The following TMED5 variants were observed in gnomAD, a reference collection of about 807,000 sequenced individuals.
The protein encoded by TMED5 is transmembrane p24 trafficking protein 5.
In TMED5, 27 loss-of-function variants were observed where a neutral mutation model predicts 23.0. The ratio of observed to expected loss-of-function variants is 1.17; its 90% CI spans 0.86 to 1.62. The LOEUF is 1.62. Among genes scored for constraint, TMED5 ranks in the 40% most tolerant of loss-of-function variants. The pLI is 0.00. For missense variants in TMED5, 248 were observed against 273.7 expected (o/e 0.91, Z 0.66); for synonymous variants, 97 against 100.8 (o/e 0.96, Z 0.23).
chr1:93,155,995 A>C, intron 3 of TMED5: 1 of 1,070,910 alleles, frequency 9.3e-7, no homozygotes, highest in Non-Finnish European at 1.3e-6. Flanking sequence ...ATCTATTTAT[A>C]ATTTAAAAAT....
chr1:93,158,575 T>C (rs1015941718), intron 2 of TMED5, among the ~76,000 whole-genome samples: 1 of 140,998 alleles, frequency 7.1e-6, no homozygotes, highest in Non-Finnish European at 1.5e-5. Context: ...ACTACATTTT[T>C]AGTTTTGTTT....
intron 1 of TMED5, among the ~76,000 whole-genome samples, chr1:93,172,342 A>T (rs1571282723): frequency 6.6e-6 from 1 of 152,228 alleles, no homozygotes; most frequent in South Asian, 2.1e-4. Context: ...GGAACTAATA[A>T]GTGATGATAG....
chr1:93,160,352 T>C (rs941569248), intron 1 of TMED5, 126 bp from the exon 2 acceptor site: 1 of 552,430 alleles, frequency 1.8e-6, no homozygotes, highest in South Asian at 3.0e-5. Flanking sequence ...CAGTGATGTC[T>C]GAGCTAGAAA....
At chr1:93,178,085 C>G (rs1648988826) in intron 1 of TMED5, among the ~76,000 whole-genome samples, 1 of 152,162 alleles carries the variant, frequency 6.6e-6, no homozygotes, top group African/African-American at 2.4e-5. Flanking sequence ...AATCCATTTT[C>G]CACACTGCAT....
At chr1:93,170,515 C>G (rs566728424) in intron 1 of TMED5, among the ~76,000 whole-genome samples, 5 of 152,218 alleles carry the variant, frequency 3.3e-5, no homozygotes, top group African/African-American at 4.8e-5. Context: ...CTCAGCCCCC[C>G]ACTGTGGGCT....
At position 93,160,159 on chromosome 1, in the gene TMED5, A is replaced by G; in HGVS notation, c.257T>C (p.Phe86Ser). ...AACTCCATCTGATTTTCTTTGTTCA[A>G]AAACTAAGGTTTTGCCTTCTGGAGA... ...LASPEGKTLV[F>S]EQRKSDGVHT... Residue 86 changes from phenylalanine (F) to serine (S), a missense_variant, in exon 2 of 4, where the codon TTT becomes TCT. Transcript: ENST00000370282. 1.2e-6 allele frequency: 2 copies of G among 1,613,222 alleles called. No individual in the cohort carries two copies. The highest frequency in any genetic ancestry group is 1.7e-6 in the Non-Finnish European group (2 of 1,179,408).
chr1:93,173,417 C>T (rs933750217), intron 1 of TMED5, among the ~76,000 whole-genome samples: 5 of 151,896 alleles, frequency 3.3e-5, no homozygotes, highest in Non-Finnish European at 7.4e-5. Context: ...GAGAGTGAGA[C>T]AAAGAGAGAA....
chr1:93,155,613 G>A (rs1648046634), intron 3 of TMED5, among the ~76,000 whole-genome samples: 1 of 149,234 alleles, frequency 6.7e-6, no homozygotes, highest in African/African-American at 2.5e-5. Context: ...GACTGTGCCT[G>A]GTCAAATGAT....
chr1:93,177,673 A>C (rs1239245931), intron 1 of TMED5, among the ~76,000 whole-genome samples: 11 of 151,928 alleles, frequency 7.2e-5, no homozygotes, highest in Non-Finnish European at 1.3e-4. Flanking sequence ...AGCCAGCTAC[A>C]TAACTATAGA....
chr1:93,154,901 A>AAAAT lies in TMED5; in HGVS notation c.472-17_472-14dup, dbSNP rs1169176419. On this transcript the variant is annotated splice_polypyrimidine_tract_variant and intron_variant, in intron 3 of 3. Transcript: ENST00000370282. ...TGTTGATGGATTCCTGGAGATAAAT[A>AAAAT]AAATAATTTTATTATTAAAGAATGC... 6.5e-7 allele frequency: 1 copy of AAAAT among 1,528,974 alleles called. No individual in the cohort carries two copies. Among genetic ancestry groups the AAAAT allele is most frequent in the Non-Finnish European group, 8.9e-7 (1 of 1,123,254 alleles). 94.7% of individuals were successfully genotyped at this position (1,528,974 alleles called of 1,614,324 possible).
Position 93,152,474 on chromosome 1 carries a change from A to T in TMED5, c.*2196T>A, listed in dbSNP as rs1647913330. On this transcript the variant is annotated 3_prime_UTR_variant, in exon 4 of 4. Transcript: ENST00000370282. Reference sequence around the variant, plus strand: ...TTGCTTTTTTGGTTATGCCTCTTAAATATCTGTCTTTTTACTTTGTCTATA... The same window carrying T: ...TTGCTTTTTTGGTTATGCCTCTTAATTATCTGTCTTTTTACTTTGTCTATA... 6.6e-6 allele frequency: 1 copy of T among 152,216 alleles called. No individual in the cohort carries two copies. The highest frequency in any genetic ancestry group is 1.5e-5 in the Non-Finnish European group (1 of 68,016). 9.4% of individuals were successfully genotyped at this position (152,216 alleles called of 1,614,324 possible).
At chr1:93,161,113 T>C (rs1365990202) in intron 1 of TMED5, 1 of 152,220 alleles carries the variant, frequency 6.6e-6, no homozygotes, top group Non-Finnish European at 1.5e-5. Context: ...ATGATAATCA[T>C]GGCAACTAAC....
At chr1:93,166,145 T>C (rs1437919228) in intron 1 of TMED5, among the ~76,000 whole-genome samples, 1 of 152,258 alleles carries the variant, frequency 6.6e-6, no homozygotes, top group African/African-American at 2.4e-5. Context: ...GCACCACATT[T>C]TCTTTATCCA....
At chr1:93,171,351 C>T (rs2101158616) in intron 1 of TMED5, among the ~76,000 whole-genome samples, 1 of 152,338 alleles carries the variant, frequency 6.6e-6, no homozygotes, top group Admixed American at 6.5e-5. Flanking sequence ...GTAACACTCA[C>T]CGCGAGGGTC....
intron 2 of TMED5, among the ~76,000 whole-genome samples, chr1:93,159,518 T>C (rs1370497244): frequency 6.6e-6 from 1 of 152,068 alleles, no homozygotes; most frequent in Non-Finnish European, 1.5e-5. Context: ...CAGTGAGATA[T>C]GAAAAGAGGG....
Position 93,152,442 on chromosome 1 carries a change from A to C in TMED5, c.*2228T>G, listed in dbSNP as rs933883609. ...AATATTAAAGATTTTTACTCTGTTT[A>C]CAAGTTTTGCTTTTTTGGTTATGCC... On this transcript the variant is annotated 3_prime_UTR_variant, in exon 4 of 4. Transcript: ENST00000370282. The C allele has an allele frequency of 7.9e-5, 12 of 152,218 alleles. No individual in the cohort carries two copies. Among genetic ancestry groups the C allele is most frequent in the Non-Finnish European group, 1.6e-4 (11 of 68,006 alleles). The allele number at this position is 152,218 out of a possible 1,614,324, so 9.4% of individuals were successfully genotyped here. A position where few individuals can be genotyped will look rare whatever the true frequency, so the allele number is the denominator to read the frequency against.
chr1:93,170,381 C>G (rs774911062), intron 1 of TMED5, among the ~76,000 whole-genome samples: 3 of 152,228 alleles, frequency 2.0e-5, no homozygotes, highest in Non-Finnish European at 4.4e-5. Flanking sequence ...GGCCTGCAAG[C>G]CCTGGGCAGT....
chr1:93,168,542 A>G (rs991195527), intron 1 of TMED5, among the ~76,000 whole-genome samples: 4 of 152,234 alleles, frequency 2.6e-5, no homozygotes, highest in African/African-American at 9.6e-5. Flanking sequence ...AGGGATAAAG[A>G]GGGGCATTAC....
chr1:93,152,404 G>A lies in TMED5; in HGVS notation c.*2266C>T, dbSNP rs1164455800. ...AAAAAGCATATGAAGCAGATAAACA[G>A]TATGTCTTTAGAAATATTAAAGATT... On this transcript the variant is annotated 3_prime_UTR_variant, in exon 4 of 4. Coordinates refer to ENST00000370282, the MANE Select transcript of TMED5 (RefSeq NM_016040.5). 6.6e-6 allele frequency: 1 copy of A among 152,162 alleles called. No homozygotes were observed. The highest frequency in any genetic ancestry group is 1.5e-5 in the Non-Finnish European group (1 of 68,000). 9.4% of individuals were successfully genotyped at this position (152,162 alleles called of 1,614,324 possible). A position where few individuals can be genotyped will look rare whatever the true frequency, so the allele number is the denominator to read the frequency against.
Sources: gnomAD v4.1 joint callset for allele counts (sites outside exome capture counted in the v4.1 genomes callset) on GRCh38, gnomAD v4.1.1 for gene constraint, MANE v1.5 for transcripts, NCBI Gene and HGNC (gene_info 2026-07-23, HGNC 2026-07-21) for gene names.